Variants in UACA observed in about 807,000 individuals in gnomAD.
The protein encoded by UACA is nuclear membrane binding protein.
A neutral mutation model predicts 160.5 loss-of-function variants in UACA; 112 were observed. The ratio of observed to expected loss-of-function variants is 0.70; its 90% CI spans 0.60 to 0.82. UACA has a LOEUF of 0.82. UACA is among the 40% of genes least tolerant of loss of function. UACA has a pLI of 0.00. For missense variants in UACA, 1,574 were observed against 1,614.6 expected, an observed-to-expected ratio of 0.97 and a Z score of 0.43; for synonymous variants, 557 against 568.4, an observed-to-expected ratio of 0.98 and a Z score of 0.29.
At chr15:70,761,010 A>G (rs2030719568) in intron 1 of UACA, among the ~76,000 whole-genome samples, 1 of 152,206 alleles carries the variant, frequency 6.6e-6, no homozygotes, top group South Asian at 2.1e-4. Context: ...CCAGCAATTC[A>G]CTTTTAGGAA....
upstream of UACA, chr15:70,763,607 G>A (rs932821666): frequency 5.6e-5 from 64 of 1,142,340 alleles, no homozygotes; most frequent in Non-Finnish European, 6.6e-5. Flanking sequence ...CCGCTGCCCT[G>A]GCGGGGGCGT....
Position 70,709,569 on chromosome 15 carries a change from A to G in UACA, c.79-9909T>C, listed in dbSNP as rs144119207. On this transcript the variant is annotated intron_variant, in intron 1 of 18. Coordinates refer to ENST00000322954, the MANE Select transcript of UACA (RefSeq NM_018003.4). ...AATACATTTAAGTGTATAAATGAAA[A>G]GAGATACCCCATAATTCCACCATGC... 4.4e-4 allele frequency among the ~76,000 whole-genome samples: 67 copies of G among 152,336 alleles called. No individual in the cohort carries two copies. In the East Asian group the frequency reaches 0.013, roughly 29 times the overall value.
chr15:70,696,065 T>C (rs576152088), intron 2 of UACA, among the ~76,000 whole-genome samples: 5 of 152,204 alleles, frequency 3.3e-5, no homozygotes, highest in African/African-American at 1.2e-4. Flanking sequence ...GCAATAACCA[T>C]TCTAGAGATG....
intron 1 of UACA, among the ~76,000 whole-genome samples, chr15:70,737,081 C>A (rs1899391959): frequency 6.6e-6 from 1 of 152,158 alleles, no homozygotes; most frequent in South Asian, 2.1e-4. Flanking sequence ...TAATAATGAG[C>A]AGATCTGAGA....
intron 16 of UACA, 127 bp downstream of exon 16, chr15:70,666,597 C>T (rs975419611): frequency 2.6e-5 from 19 of 733,150 alleles, no homozygotes; most frequent in African/African-American, 1.7e-4. Context: ...AATTTTTGCA[C>T]GCAAGTTGCT....
chr15:70,776,784 G>A, the UACA span, among the ~76,000 whole-genome samples: 10 of 146,558 alleles, frequency 6.8e-5, no homozygotes, highest in Non-Finnish European at 8.9e-5. Context: ...CATCCCTGCC[G>A]CTTCTGAGTC....
rs897579140 is a variant in UACA at position 70,669,392 on chromosome 15, G to A, written c.1292C>T (p.Pro431Leu). The A allele has an allele frequency of 1.2e-6, 2 of 1,613,490 alleles. No individual in the cohort carries two copies. The highest frequency in any genetic ancestry group is 1.7e-6 in the Non-Finnish European group (2 of 1,179,852). Residue 431 changes from proline to leucine, a missense_variant, in exon 16 of 19, where the codon CCC (proline) becomes CTC (leucine). Coordinates refer to ENST00000322954, the MANE Select transcript of UACA (RefSeq NM_018003.4). ...SMLRPLELSL[P>L]SQTSYSENEI... ...ATTTTCAGAGTATGACGTTTGACTG[G>A]GTAAAGATAGTTCCAGAGGTCTTAA...
chr15:70,702,051 G>T, intron 1 of UACA: 2 of 1,401,504 alleles, frequency 1.4e-6, no homozygotes, highest in Non-Finnish European at 1.9e-6. Context: ...GCTACACTTA[G>T]CTTGGATCTC....
At position 70,667,927 on chromosome 15, in the gene UACA, T is replaced by C. The variant is rs771689094; in HGVS notation, c.2757A>G (p.Lys919=). ...RNLENTQNQI[K]AEYISLAEHE... ...GCTCTGCCAGGCTGATGTACTCAGCTTTTATTTGGTTCTGAGTGTTTTCCA... is the reference window on the plus strand; with the variant it reads ...GCTCTGCCAGGCTGATGTACTCAGCCTTTATTTGGTTCTGAGTGTTTTCCA... Residue 919 remains lysine (K), a synonymous_variant, in exon 16 of 19, where the codon AAA becomes AAG. Transcript: ENST00000322954. 2 of 1,613,680 alleles carry C rather than the reference T, an allele frequency of 1.2e-6. No individual in the cohort carries two copies. The highest frequency in any genetic ancestry group is 2.2e-5 in the South Asian group (2 of 91,024).
intron 3 of UACA, 88 bp from the exon 4 acceptor site, chr15:70,691,451 A>G: frequency 1.1e-6 from 1 of 943,450 alleles, no homozygotes; most frequent in South Asian, 1.7e-5. Flanking sequence ...TTTTTTCCCA[A>G]AACTAGTTGA....
intron 1 of UACA, chr15:70,702,035 T>C: frequency 6.6e-7 from 1 of 1,512,196 alleles, no homozygotes. Flanking sequence ...GTCCCTCACA[T>C]GCTGTGCTAC....
intron 1 of UACA, among the ~76,000 whole-genome samples, chr15:70,744,248 C>CAAAAAAAA (rs5813608): frequency 1.5e-5 from 1 of 64,726 alleles, no homozygotes; most frequent in African/African-American, 4.7e-5. Context: ...GACTCTGTCT[C>CAAAAAAAA]AAAAAAAAAA....
intron 1 of UACA, among the ~76,000 whole-genome samples, chr15:70,737,440 C>T (rs1899403114): frequency 6.6e-6 from 1 of 152,202 alleles, no homozygotes; most frequent in Non-Finnish European, 1.5e-5. Context: ...GGCACAGTGG[C>T]TCATGCCTGT....
chr15:70,773,253 G>A, the UACA span, among the ~76,000 whole-genome samples: 1 of 152,134 alleles, frequency 6.6e-6, no homozygotes, highest in Non-Finnish European at 1.5e-5. Flanking sequence ...CACTGGGTTT[G>A]GCAGCACGGG....
At position 70,666,915 on chromosome 15, in the gene UACA, C is replaced by T. The variant is rs765225720; in HGVS notation, c.3769G>A (p.Val1257Ile). 9.9e-6 allele frequency: 16 copies of T among 1,612,868 alleles called. No individual in the cohort carries two copies. Among genetic ancestry groups the T allele is most frequent in the Non-Finnish European group, 1.3e-5 (15 of 1,179,768 alleles). ...TTGGCATGCAAAACTTCCTCACATA[C>T]TTCCTCATACTTTCTATTCAGATTG... is the stretch of plus-strand genomic sequence containing the variant. ...LANLNRKYEE[V>I]CEEVLHAKKK... is the part of the protein sequence containing the mutation. Residue 1257 changes from valine (V) to isoleucine (I), a missense_variant, in exon 16 of 19, where the codon GTA (valine) becomes ATA (isoleucine). Transcript: ENST00000322954.
chr15:70,660,073 T>A (rs1896648970), intron 18 of UACA, 78 bp downstream of exon 18: 1 of 1,202,522 alleles, frequency 8.3e-7, no homozygotes, highest in Non-Finnish European at 1.2e-6. Context: ...ATCAATTACT[T>A]TCACATAAAT....
chr15:70,763,234 G>C (rs1042161731), intron 1 of UACA, 96 bp downstream of exon 1: 2 of 1,243,998 alleles, frequency 1.6e-6, no homozygotes, highest in Admixed American at 4.2e-5. Context: ...ACTGGCAGAG[G>C]AAAAGCAGAG....
intron 12 of UACA, among the ~76,000 whole-genome samples, 183 bp downstream of exon 12, chr15:70,676,925 C>T (rs550906512): frequency 6.6e-6 from 1 of 152,244 alleles, no homozygotes; most frequent in East Asian, 1.9e-4. Context: ...AAAATGCCTA[C>T]AATAATCTAT....
At chr15:70,723,265 T>C (rs911418848) in intron 1 of UACA, among the ~76,000 whole-genome samples, 1 of 152,224 alleles carries the variant, frequency 6.6e-6, no homozygotes, top group African/African-American at 2.4e-5. Context: ...AGGCCTAGAA[T>C]GGAGGGTCGC....
Sources: gnomAD v4.1 joint callset for allele counts (sites outside exome capture counted in the v4.1 genomes callset) on GRCh38, gnomAD v4.1.1 for gene constraint, MANE v1.5 for transcripts, NCBI Gene and HGNC (gene_info 2026-07-23, HGNC 2026-07-21) for gene names.